PRELID2: variants seen among roughly 807,000 people sequenced by gnomAD.
The protein encoded by PRELID2 is PRELI domain containing 2, also known as PRELI domain-containing protein 2.
A neutral mutation model predicts 28.4 loss-of-function variants in PRELID2; 25 were observed. The ratio of observed to expected loss-of-function variants is 0.88; its 90% CI spans 0.64 to 1.23. The LOEUF is 1.23. Among genes scored for constraint, PRELID2 ranks in the 50% most tolerant of loss-of-function variants. The pLI is 0.00. For synonymous variants in PRELID2, 76 were observed against 71.6 expected (o/e 1.06, Z -0.31); for missense variants, 201 against 214.4 (o/e 0.94, Z 0.39).
chr5:145,300,313 G>A, the PRELID2 span, among the ~76,000 whole-genome samples: 61 of 152,110 alleles, frequency 4.0e-4, no homozygotes, highest in South Asian at 0.011. Flanking sequence ...AGGACCACTC[G>A]TTTCTAATAG....
intron 1 of PRELID2, among the ~76,000 whole-genome samples, chr5:145,717,483 T>C (rs1391345150): frequency 6.6e-6 from 1 of 152,066 alleles, no homozygotes; most frequent in Non-Finnish European, 1.5e-5. Context: ...TCTTATCATA[T>C]ATACGCATGT....
At chr5:145,271,246 T>C in the PRELID2 span, among the ~76,000 whole-genome samples, 2 of 151,772 alleles carry the variant, frequency 1.3e-5, no homozygotes, top group South Asian at 2.1e-4. Context: ...CTTATATATA[T>C]TTTTTTTGAG....
chr5:145,613,404 C>G (rs920926170), intron 1 of PRELID2, among the ~76,000 whole-genome samples: 1 of 151,072 alleles, frequency 6.6e-6, no homozygotes, highest in Admixed American at 6.6e-5. Context: ...ATTAACTCAT[C>G]ATTTACATTA....
the PRELID2 span, among the ~76,000 whole-genome samples, chr5:145,413,391 C>T: frequency 1.3e-5 from 2 of 151,932 alleles, no homozygotes; most frequent in Non-Finnish European, 2.9e-5. Context: ...GGGAATGTAA[C>T]CTAGTACAAC....
chr5:145,590,006 A>T (rs1753206366), intron 1 of PRELID2, among the ~76,000 whole-genome samples: 1 of 152,224 alleles, frequency 6.6e-6, no homozygotes, highest in South Asian at 2.1e-4. Context: ...TATGTACTAC[A>T]TATGAATTAT....
chr5:145,761,335 A>G (rs536301675), intron 6 of PRELID2, among the ~76,000 whole-genome samples: 2 of 152,284 alleles, frequency 1.3e-5, no homozygotes, highest in East Asian at 3.9e-4. Flanking sequence ...GTGTACGCGC[A>G]TTGGAACTTT....
chr5:145,405,708 T>G, the PRELID2 span, among the ~76,000 whole-genome samples: 1 of 146,362 alleles, frequency 6.8e-6, no homozygotes, highest in Admixed American at 6.8e-5. Context: ...AGTTGTTTTT[T>G]TTTTTTTTTT....
intron 1 of PRELID2, among the ~76,000 whole-genome samples, chr5:145,738,888 T>C (rs980337205): frequency 2.0e-5 from 3 of 152,012 alleles, no homozygotes; most frequent in African/African-American, 4.8e-5. Flanking sequence ...AAACACATCA[T>C]AGTCAAACTT....
At chr5:145,811,428 C>T (rs1753932744) in intron 4 of PRELID2, among the ~76,000 whole-genome samples, 3 of 152,108 alleles carry the variant, frequency 2.0e-5, no homozygotes, top group South Asian at 2.1e-4. Context: ...AGCTGGACTA[C>T]GGGCATGTGG....
At chr5:145,315,315 G>A in the PRELID2 span, among the ~76,000 whole-genome samples, 10 of 151,906 alleles carry the variant, frequency 6.6e-5, no homozygotes, top group South Asian at 6.2e-4. Flanking sequence ...TGATCTGCCC[G>A]CCTCGGCCTC....
intron 1 of PRELID2, among the ~76,000 whole-genome samples, chr5:145,653,079 A>G (rs1235233413): frequency 6.6e-6 from 1 of 152,154 alleles, no homozygotes; most frequent in Non-Finnish European, 1.5e-5. Flanking sequence ...ATGGAAAACA[A>G]AAAAAGGCAG....
chr5:145,396,829 T>C, the PRELID2 span, among the ~76,000 whole-genome samples: 3 of 149,340 alleles, frequency 2.0e-5, no homozygotes, highest in African/African-American at 7.6e-5. Flanking sequence ...TGAAGACTAA[T>C]TACTAAGGTG....
chr5:145,515,728 G>A (rs1431876014), intron 1 of PRELID2, among the ~76,000 whole-genome samples: 1 of 152,084 alleles, frequency 6.6e-6, no homozygotes, highest in Non-Finnish European at 1.5e-5. Flanking sequence ...GAACATCAAT[G>A]CAAAAATCCT....
intron 1 of PRELID2, among the ~76,000 whole-genome samples, chr5:145,580,405 T>C (rs1475320875): frequency 1.3e-5 from 2 of 152,084 alleles, no homozygotes; most frequent in Non-Finnish European, 2.9e-5. Flanking sequence ...AGATATTCAG[T>C]CACTCTGACT....
chr5:145,641,269 T>G (rs1054470925), intron 1 of PRELID2, among the ~76,000 whole-genome samples: 1 of 151,856 alleles, frequency 6.6e-6, no homozygotes, highest in Non-Finnish European at 1.5e-5. Context: ...AAAGGATTAG[T>G]ATCCAAAACT....
At chr5:145,385,172 T>C in the PRELID2 span, among the ~76,000 whole-genome samples, 1 of 152,186 alleles carries the variant, frequency 6.6e-6, no homozygotes, top group South Asian at 2.1e-4. Context: ...TAAAATGTAC[T>C]TCCATAAAAG....
chr5:145,796,803 A>C (rs1296117897), intron 4 of PRELID2, among the ~76,000 whole-genome samples: 1 of 152,200 alleles, frequency 6.6e-6, no homozygotes, highest in Non-Finnish European at 1.5e-5. Flanking sequence ...TGAGGTAATT[A>C]TCAATGATAT....
At chr5:145,830,961 A>G (rs1417644198) in intron 1 of PRELID2, among the ~76,000 whole-genome samples, 2 of 152,246 alleles carry the variant, frequency 1.3e-5, no homozygotes, top group Non-Finnish European at 1.5e-5. Flanking sequence ...TCAGTGCTAA[A>G]GCAGCTTCAA....
the PRELID2 span, among the ~76,000 whole-genome samples, chr5:145,364,933 A>T: frequency 2.0e-5 from 3 of 152,132 alleles, no homozygotes; most frequent in South Asian, 6.2e-4. Context: ...GTAAATAAAT[A>T]TAGGAAATTT....
Sources: gnomAD v4.1 joint callset for allele counts (sites outside exome capture counted in the v4.1 genomes callset) on GRCh38, gnomAD v4.1.1 for gene constraint, MANE v1.5 for transcripts, NCBI Gene and HGNC (gene_info 2026-07-23, HGNC 2026-07-21) for gene names.